The following ERBB4 variants were observed in gnomAD, a reference collection of about 807,000 sequenced individuals.
ERBB4 encodes the protein receptor tyrosine-protein kinase erbB-4.
ERBB4 carries 42 observed loss-of-function variants against 158.0 expected under a neutral mutation model. The observed-to-expected ratio is 0.27, with a 90% CI of 0.21 to 0.34. ERBB4 has a LOEUF of 0.34. Among genes scored for constraint, ERBB4 ranks in the 10% least tolerant of loss-of-function variants. The pLI, the probability that ERBB4 is intolerant of heterozygous loss-of-function variation, is 1.00. For missense variants in ERBB4, 1,333 were observed against 1,624.1 expected (o/e 0.82, Z 3.08); for synonymous variants, 583 against 558.7 (o/e 1.04, Z -0.61).
chr2:212,369,718 A>G (rs1273907763), intron 1 of ERBB4, among the ~76,000 whole-genome samples: 1 of 151,992 alleles, frequency 6.6e-6, no homozygotes, highest in Non-Finnish European at 1.5e-5. Flanking sequence ...TTGTGGGAAC[A>G]GGGTCTCACT....
intron 1 of ERBB4, among the ~76,000 whole-genome samples, chr2:212,338,564 A>T (rs1171506799): frequency 1.3e-5 from 2 of 152,180 alleles, no homozygotes; most frequent in African/African-American, 4.8e-5. Flanking sequence ...ATCACATGTG[A>T]AATAACTGAT....
intron 2 of ERBB4, among the ~76,000 whole-genome samples, chr2:212,106,919 G>T (rs530813880): frequency 1.3e-5 from 2 of 152,342 alleles, no homozygotes; most frequent in African/African-American, 4.8e-5. Flanking sequence ...AAGATTTGAG[G>T]TTTGGGAACC....
chr2:212,457,939 T>C (rs1454920352), intron 1 of ERBB4, among the ~76,000 whole-genome samples: 1 of 151,974 alleles, frequency 6.6e-6, no homozygotes, highest in Non-Finnish European at 1.5e-5. Flanking sequence ...AAATATTTAT[T>C]ATTTATTATT....
At chr2:212,482,616 T>A in intron 1 of ERBB4, among the ~76,000 whole-genome samples, 1 of 151,966 alleles carries the variant, frequency 6.6e-6, no homozygotes, top group East Asian at 1.9e-4. Context: ...TCAACTTCTT[T>A]GTTTGTTTGT....
intron 1 of ERBB4, among the ~76,000 whole-genome samples, chr2:212,485,912 C>G (rs1575009223): frequency 6.6e-6 from 1 of 152,048 alleles, no homozygotes; most frequent in East Asian, 1.9e-4. Context: ...TGCTCATGAC[C>G]AAACCACCTC....
At chr2:211,952,593 C>T (rs527296154) in intron 2 of ERBB4, among the ~76,000 whole-genome samples, 8 of 152,086 alleles carry the variant, frequency 5.3e-5, no homozygotes, top group African/African-American at 9.6e-5. Flanking sequence ...GAAAGTATAA[C>T]GGTAGGAAAT....
At chr2:211,462,395 T>C (rs2064560144) in intron 20 of ERBB4, among the ~76,000 whole-genome samples, 1 of 152,110 alleles carries the variant, frequency 6.6e-6, no homozygotes, top group Admixed American at 6.5e-5. Flanking sequence ...GGAGTGATTG[T>C]ATGTTATTTT....
At chr2:212,049,181 C>A (rs373200945) in intron 2 of ERBB4, among the ~76,000 whole-genome samples, 1 of 152,140 alleles carries the variant, frequency 6.6e-6, no homozygotes, top group Admixed American at 6.5e-5. Flanking sequence ...TCCTTGTTTA[C>A]ATTCTTTCTT....
At chr2:211,892,138 C>T (rs1289234216) in intron 3 of ERBB4, among the ~76,000 whole-genome samples, 1 of 119,904 alleles carries the variant, frequency 8.3e-6, no homozygotes, top group Non-Finnish European at 1.7e-5. Flanking sequence ...CCTTGATAAA[C>T]ATTGATGCAA....
intron 2 of ERBB4, among the ~76,000 whole-genome samples, chr2:211,963,148 G>C (rs1242512074): frequency 6.6e-6 from 1 of 151,986 alleles, no homozygotes; most frequent in Non-Finnish European, 1.5e-5. Context: ...GGGGTGTTTT[G>C]CTTTCCAGAA....
intron 4 of ERBB4, among the ~76,000 whole-genome samples, chr2:211,759,179 G>A (rs73085068): frequency 0.046 from 6,971 of 152,016 alleles, 406 homozygotes; most frequent in African/African-American, 0.13. Flanking sequence ...AACATATCTC[G>A]TTGTCTCTAA....
Position 211,868,186 on chromosome 2 carries a change from A to G in ERBB4, c.421+79244T>C, listed in dbSNP as rs187690770. Among the ~76,000 whole-genome samples, 30 of 152,344 alleles carry G rather than the reference A, an allele frequency of 2.0e-4. No homozygotes were observed. The East Asian group carries it at 5.4e-3, about 27-fold the overall frequency. On this transcript the variant is annotated intron_variant, in intron 3 of 27. Coordinates refer to ENST00000342788, the MANE Select transcript of ERBB4 (RefSeq NM_005235.3). ...GAGGAAAGTTAAATATGGTATTTCT[A>G]CAGAATGATGAGTCATTTCTGGAAT...
In ERBB4 at chr2:212,182,308, T is replaced by G. The variant is rs1414070744; in HGVS notation, c.83-57405A>C. ...CACTGGGGATGGTATTGAACCCAAC[T>G]GGTATCCCACAAGAACCTGCACTCT... is the stretch of plus-strand genomic sequence containing the variant. On this transcript the variant is annotated intron_variant, in intron 1 of 27. Coordinates refer to ENST00000342788, the MANE Select transcript of ERBB4 (RefSeq NM_005235.3). Among the ~76,000 whole-genome samples the G allele has an allele frequency of 1.3e-5, 2 of 151,872 alleles. 1 individual carries two copies.
chr2:212,499,330 G>GT (rs920696821), intron 1 of ERBB4, among the ~76,000 whole-genome samples: 5 of 152,026 alleles, frequency 3.3e-5, no homozygotes, highest in African/African-American at 9.6e-5. Flanking sequence ...CTAAATCTCT[G>GT]TGAATCCTTT....
chr2:211,468,664 A>G (rs963167545), intron 20 of ERBB4, among the ~76,000 whole-genome samples: 7 of 152,164 alleles, frequency 4.6e-5, no homozygotes, highest in Non-Finnish European at 8.8e-5. Flanking sequence ...CTAATGAAAG[A>G]AAGCCACCGT....
intron 1 of ERBB4, among the ~76,000 whole-genome samples, chr2:212,199,410 T>C (rs1205442972): frequency 6.6e-6 from 1 of 152,198 alleles, no homozygotes; most frequent in African/African-American, 2.4e-5. Context: ...ATTTTAAAAA[T>C]AATCTACCTG....
intron 3 of ERBB4, among the ~76,000 whole-genome samples, chr2:211,908,750 T>C (rs1008530862): frequency 6.6e-6 from 1 of 151,698 alleles, no homozygotes; most frequent in Non-Finnish European, 1.5e-5. Flanking sequence ...CACCAATAAG[T>C]GATAAAAATG....
chr2:211,972,197 G>A (rs1251603606), intron 2 of ERBB4, among the ~76,000 whole-genome samples: 1 of 152,098 alleles, frequency 6.6e-6, no homozygotes, highest in Non-Finnish European at 1.5e-5. Context: ...AGCTGACTAG[G>A]TAGGTGGAAG....
At chr2:211,640,759 A>C (rs1316923246) in intron 16 of ERBB4, among the ~76,000 whole-genome samples, 2 of 152,188 alleles carry the variant, frequency 1.3e-5, no homozygotes, top group Non-Finnish European at 2.9e-5. Flanking sequence ...AAAAGTCCTC[A>C]TGAGTAATAG....
Sources: gnomAD v4.1 joint callset for allele counts (sites outside exome capture counted in the v4.1 genomes callset) on GRCh38, gnomAD v4.1.1 for gene constraint, MANE v1.5 for transcripts, NCBI Gene and HGNC (gene_info 2026-07-23, HGNC 2026-07-21) for gene names.